SPOCK3: variants seen among roughly 807,000 people sequenced by gnomAD.
The protein encoded by SPOCK3 is testican-3.
Under a neutral mutation model 56.6 loss-of-function variants are expected in SPOCK3, and 30 were observed. The observed-to-expected ratio is 0.53, with a 90% confidence interval of 0.40 to 0.72. SPOCK3 has a LOEUF of 0.72. Among genes scored for constraint, SPOCK3 ranks in the 30% least tolerant of loss-of-function variants. The probability of loss-of-function intolerance (pLI) is 0.00; values close to 1 mark genes in which losing one functional copy is unlikely to be tolerated. For synonymous variants in SPOCK3, 196 were observed against 183.3 expected, an observed-to-expected ratio of 1.07 and a Z score of -0.56; for missense variants, 527 against 530.0, an observed-to-expected ratio of 0.99 and a Z score of 0.06.
chr4:166,926,720 G>C (rs1215020034), intron 4 of SPOCK3, among the ~76,000 whole-genome samples: 1 of 151,962 alleles, frequency 6.6e-6, no homozygotes, highest in Non-Finnish European at 1.5e-5. Flanking sequence ...ACTAGTAATA[G>C]GTATGTATGG....
At chr4:166,787,975 A>G (rs142008195) in intron 7 of SPOCK3, among the ~76,000 whole-genome samples, 35 of 152,290 alleles carry the variant, frequency 2.3e-4, no homozygotes, top group African/African-American at 7.7e-4. Context: ...TGAGGTCAGG[A>G]GTTTGAGACT....
At chr4:166,802,026 G>A (rs866490178) in intron 6 of SPOCK3, among the ~76,000 whole-genome samples, 7 of 151,828 alleles carry the variant, frequency 4.6e-5, no homozygotes, top group East Asian at 1.9e-4. Context: ...ATATGTTTTC[G>A]ACACAGAGCC....
At chr4:166,739,631 G>A (rs1041242278) in intron 9 of SPOCK3, among the ~76,000 whole-genome samples, 2 of 151,742 alleles carry the variant, frequency 1.3e-5, no homozygotes, top group African/African-American at 4.8e-5. Flanking sequence ...AAGTGAAGTC[G>A]TGTTTTTTAA....
chr4:166,993,963 A>G (rs2244007), intron 4 of SPOCK3, among the ~76,000 whole-genome samples: 143,940 of 152,204 alleles, frequency 0.95, 68,574 homozygotes, highest in East Asian at 1. Context: ...CAAGAAAACT[A>G]AGTCTGGGAT....
intron 2 of SPOCK3, among the ~76,000 whole-genome samples, chr4:167,150,068 T>G (rs1764287785): frequency 2.0e-5 from 3 of 152,048 alleles, no homozygotes; most frequent in Admixed American, 6.6e-5. Context: ...TCTCTTGATG[T>G]GTAACTAATT....
intron 4 of SPOCK3, among the ~76,000 whole-genome samples, chr4:166,999,914 C>T (rs1241782904): frequency 6.6e-6 from 1 of 152,100 alleles, no homozygotes; most frequent in African/African-American, 2.4e-5. Flanking sequence ...GGTTCAAGTC[C>T]CAAGTCCCTA....
intron 4 of SPOCK3, among the ~76,000 whole-genome samples, chr4:166,983,628 T>C (rs1746826611): frequency 6.6e-6 from 1 of 152,210 alleles, no homozygotes; most frequent in South Asian, 2.1e-4. Flanking sequence ...AGAGAGGATT[T>C]TGAATGCTCT....
chr4:167,216,328 T>C (rs1423260360), intron 2 of SPOCK3, among the ~76,000 whole-genome samples: 1 of 151,798 alleles, frequency 6.6e-6, no homozygotes, highest in Admixed American at 6.6e-5. Context: ...CATTAAAAGA[T>C]GAATAGAAGA....
intron 6 of SPOCK3, among the ~76,000 whole-genome samples, chr4:166,879,523 T>A (rs1733472183): frequency 6.6e-6 from 1 of 152,134 alleles, no homozygotes; most frequent in Non-Finnish European, 1.5e-5. Flanking sequence ...AGTGTAAGAT[T>A]TAAAAAATAT....
At chr4:166,979,640 T>G (rs1458068914) in intron 4 of SPOCK3, among the ~76,000 whole-genome samples, 1 of 152,184 alleles carries the variant, frequency 6.6e-6, no homozygotes, top group Non-Finnish European at 1.5e-5. Flanking sequence ...CCTTATCATC[T>G]TCCTACTTCA....
chr4:167,192,106 A>G (rs1339684749), intron 2 of SPOCK3, among the ~76,000 whole-genome samples: 1 of 145,844 alleles, frequency 6.9e-6, no homozygotes, highest in African/African-American at 2.6e-5. Flanking sequence ...ATGTTGAACA[A>G]TTTTTGCATT....
chr4:166,845,604 G>A (rs1055206577), intron 6 of SPOCK3, among the ~76,000 whole-genome samples: 1 of 152,040 alleles, frequency 6.6e-6, no homozygotes, highest in South Asian at 2.1e-4. Context: ...TTTACCAGAG[G>A]GTAGAAAACA....
chr4:167,084,763 C>T (rs1384462978), intron 2 of SPOCK3, among the ~76,000 whole-genome samples: 1 of 134,658 alleles, frequency 7.4e-6, no homozygotes, highest in East Asian at 2.2e-4. Context: ...ATAAACTACA[C>T]ATTGATTATT....
intron 4 of SPOCK3, among the ~76,000 whole-genome samples, chr4:166,978,227 A>AT (rs977711667): frequency 6.6e-5 from 10 of 152,084 alleles, no homozygotes; most frequent in South Asian, 4.2e-4. Flanking sequence ...ATTTTATTTT[A>AT]TTTTTTCTGT....
Position 166,924,819 on chromosome 4 carries a change from G to A in SPOCK3, c.351-12076C>T, listed in dbSNP as rs1002773907. Among the ~76,000 whole-genome samples, 6 of 152,324 alleles carry A rather than the reference G, an allele frequency of 3.9e-5. No individual in the cohort carries two copies. In the South Asian group the frequency reaches 8.3e-4, roughly 21 times the overall value. ...CGTCTTCCCACCATATTGAAGGGAA[G>A]CTGAAATGGGCAACTTAATCTAGTG... On this transcript the variant is annotated intron_variant, in intron 4 of 10. Transcript: ENST00000357545.
intron 2 of SPOCK3, among the ~76,000 whole-genome samples, chr4:167,226,734 T>A (rs976359099): frequency 6.6e-6 from 1 of 152,132 alleles, no homozygotes; most frequent in Non-Finnish European, 1.5e-5. Flanking sequence ...GTGATTGTCC[T>A]AGATTTTCTC....
intron 8 of SPOCK3, among the ~76,000 whole-genome samples, chr4:166,752,569 TATATACACACACACACAC>T (rs760844856): frequency 0.071 from 645 of 9,022 alleles, no homozygotes; most frequent in Middle Eastern, 0.15. Context: ...TATATATATA[TATATACACACACACACAC>T]ACACACACAC....
At chr4:167,208,555 T>C (rs570683001) in intron 2 of SPOCK3, among the ~76,000 whole-genome samples, 4 of 152,086 alleles carry the variant, frequency 2.6e-5, no homozygotes, top group Non-Finnish European at 5.9e-5. Context: ...TGGGCAAACA[T>C]CTTCAATTCT....
At chr4:167,166,045 T>G (rs1465953144) in intron 2 of SPOCK3, among the ~76,000 whole-genome samples, 2 of 152,040 alleles carry the variant, frequency 1.3e-5, no homozygotes, top group African/African-American at 2.4e-5. Flanking sequence ...AAGTTACTGC[T>G]CAAAATAGAG....
Sources: gnomAD v4.1 joint callset for allele counts (sites outside exome capture counted in the v4.1 genomes callset) on GRCh38, gnomAD v4.1.1 for gene constraint, MANE v1.5 for transcripts, NCBI Gene and HGNC (gene_info 2026-07-23, HGNC 2026-07-21) for gene names.